The following FSD1L variants were observed in gnomAD, a reference collection of about 807,000 sequenced individuals.
The protein encoded by FSD1L is FSD1-like protein.
In FSD1L, 45 loss-of-function variants were observed where a neutral mutation model predicts 71.6. That is an observed-to-expected ratio of 0.63 (90% CI 0.49 to 0.81). FSD1L has a LOEUF of 0.81. FSD1L is among the 30% of genes least tolerant of loss of function. FSD1L has a pLI of 0.00. For missense variants in FSD1L, 561 were observed against 618.1 expected (o/e 0.91, Z 0.98); for synonymous variants, 197 against 207.2 (o/e 0.95, Z 0.42).
chr9:105,475,394 A>G (rs548513396), intron 5 of FSD1L, among the ~76,000 whole-genome samples: 7 of 152,324 alleles, frequency 4.6e-5, no homozygotes, highest in African/African-American at 1.2e-4. Flanking sequence ...CTCACTTGTA[A>G]TGAATGATTC....
rs549371733 is a variant in FSD1L, at chr9:105,471,766, A to G, written c.340-138A>G. 9 of 304,588 alleles carry G rather than the reference A, an allele frequency of 3.0e-5. No individual in the cohort carries two copies. The South Asian group carries it at 8.7e-4, about 30-fold the overall frequency. 18.9% of individuals were successfully genotyped at this position (304,588 alleles called of 1,614,324 possible). A position where few individuals can be genotyped will look rare whatever the true frequency, so the allele number is the denominator to read the frequency against. ...TATATAACTTGATTATCTTGCTACA[A>G]TAGCTCACTGAAATGTTTTTCCTCT... On this transcript the variant is annotated intron_variant, in intron 4 of 13. Transcript: ENST00000481272.
chr9:105,443,997 A>G (rs1274223061), upstream of FSD1L, among the ~76,000 whole-genome samples: 1 of 152,168 alleles, frequency 6.6e-6, no homozygotes, highest in Non-Finnish European at 1.5e-5. Flanking sequence ...GCTAAGACTC[A>G]GGCCAGATAT....
chr9:105,457,633 G>T (rs1830435966), intron 1 of FSD1L, among the ~76,000 whole-genome samples: 1 of 152,274 alleles, frequency 6.6e-6, no homozygotes, highest in Non-Finnish European at 1.5e-5. Flanking sequence ...GTAGCTGGCA[G>T]TGTCTCTCCT....
intron 2 of FSD1L, among the ~76,000 whole-genome samples, chr9:105,462,885 C>T (rs1275757639): frequency 6.6e-6 from 1 of 150,974 alleles, no homozygotes; most frequent in Non-Finnish European, 1.5e-5. Context: ...CACCTGCAGT[C>T]CCAGCACTTT....
intron 10 of FSD1L, chr9:105,523,297 A>G (rs1340862143): frequency 1.4e-5 from 23 of 1,593,900 alleles, no homozygotes; most frequent in Non-Finnish European, 3.4e-6. Context: ...CACATGGAAC[A>G]GAAGGATCTG....
intron 10 of FSD1L, among the ~76,000 whole-genome samples, chr9:105,528,777 A>G (rs1209944966): frequency 6.6e-6 from 1 of 152,244 alleles, no homozygotes; most frequent in Non-Finnish European, 1.5e-5. Flanking sequence ...CAGAATTGAC[A>G]AATGGAATCT....
intron 4 of FSD1L, among the ~76,000 whole-genome samples, 180 bp from the exon 5 acceptor site, chr9:105,471,724 T>TTATATATGTA (rs1831479515): frequency 1.4e-5 from 2 of 143,332 alleles, no homozygotes; most frequent in African/African-American, 5.0e-5. Context: ...ATAACACGTT[T>TTATATATGTA]TATATATATA....
chr9:105,491,404 A>G (rs1482399420), intron 7 of FSD1L, among the ~76,000 whole-genome samples: 1 of 152,100 alleles, frequency 6.6e-6, no homozygotes. Flanking sequence ...TTGGGCTGAG[A>G]CAATGGGGTT....
chr9:105,501,135 T>G (rs1026830548), intron 7 of FSD1L, among the ~76,000 whole-genome samples: 3 of 152,210 alleles, frequency 2.0e-5, no homozygotes, highest in African/African-American at 7.2e-5. Flanking sequence ...TTGAAGTAAC[T>G]TAGGCTTATT....
chr9:105,515,055 T>C (rs1036365998), intron 10 of FSD1L, among the ~76,000 whole-genome samples: 3 of 152,126 alleles, frequency 2.0e-5, no homozygotes, highest in African/African-American at 7.2e-5. Flanking sequence ...GGATTGCAGA[T>C]ACGGTATATG....
Position 105,550,734 on chromosome 9 carries a change from TATAA to T in FSD1L, c.*4259_*4262del, listed in dbSNP as rs1837229614. 1 of 152,130 alleles carries T rather than the reference TATAA, an allele frequency of 6.6e-6. No individual in the cohort carries two copies. The highest frequency in any genetic ancestry group is 2.1e-4 in the South Asian group (1 of 4,828). 9.4% of individuals were successfully genotyped at this position (152,130 alleles called of 1,614,324 possible). On this transcript the variant is annotated 3_prime_UTR_variant, in exon 14 of 14. Transcript: ENST00000481272. Reference sequence around the variant, plus strand: ...TGCCACATCAGAGTTAGCATTGACTTATAAATAAATACCAGAATTTACCAGAGTA... The same window carrying T: ...TGCCACATCAGAGTTAGCATTGACTTATAAATACCAGAATTTACCAGAGTA...
At chr9:105,495,441 C>G (rs1211625154) in intron 7 of FSD1L, among the ~76,000 whole-genome samples, 1 of 152,228 alleles carries the variant, frequency 6.6e-6, no homozygotes, top group Non-Finnish European at 1.5e-5. Context: ...CTCCCTGACC[C>G]CTTGCTCTTC....
At chr9:105,495,569 G>A (rs959149934) in intron 7 of FSD1L, among the ~76,000 whole-genome samples, 1 of 152,230 alleles carries the variant, frequency 6.6e-6, no homozygotes, top group African/African-American at 2.4e-5. Flanking sequence ...AGATGGAAAT[G>A]CAGAAATCAC....
intron 1 of FSD1L, among the ~76,000 whole-genome samples, chr9:105,461,312 T>A (rs1830679383): frequency 1.3e-5 from 2 of 151,566 alleles, no homozygotes. Flanking sequence ...TGAATTGAGA[T>A]ATGCATAAGT....
chr9:105,465,139 T>C (rs1357025956), intron 3 of FSD1L, among the ~76,000 whole-genome samples: 4 of 152,170 alleles, frequency 2.6e-5, no homozygotes, highest in Non-Finnish European at 5.9e-5. Context: ...TAGTGACATA[T>C]TGATTGTGGA....
intron 1 of FSD1L, among the ~76,000 whole-genome samples, chr9:105,456,377 G>T (rs750170194): frequency 6.6e-6 from 1 of 152,162 alleles, no homozygotes; most frequent in Non-Finnish European, 1.5e-5. Context: ...TTCTTGAAAG[G>T]ATTAAATGAA....
intron 12 of FSD1L, among the ~76,000 whole-genome samples, chr9:105,535,785 A>G (rs1339126566): frequency 6.6e-6 from 1 of 152,146 alleles, no homozygotes; most frequent in Non-Finnish European, 1.5e-5. Flanking sequence ...CCTACTATGT[A>G]CCTACAAAAA....
rs550658995 is a variant in FSD1L at position 105,498,778 on chromosome 9, T to C, written c.587-7621T>C. On this transcript the variant is annotated intron_variant, in intron 7 of 13. Transcript: ENST00000481272. ...AGATTTATTCTTTGACTATGTGTTGTTTAGAAGTGTGGTTTTTATATTTTT... is the reference window on the plus strand; with the variant it reads ...AGATTTATTCTTTGACTATGTGTTGCTTAGAAGTGTGGTTTTTATATTTTT... 3.9e-5 allele frequency among the ~76,000 whole-genome samples: 6 copies of C among 152,292 alleles called. No individual in the cohort carries two copies. The East Asian group carries it at 1.2e-3, about 29-fold the overall frequency.
At chr9:105,479,450 A>G in intron 6 of FSD1L, 74 bp downstream of exon 6, 3 of 1,312,000 alleles carry the variant, frequency 2.3e-6, no homozygotes, top group Middle Eastern at 1.8e-4. Context: ...TAGTTTTTTA[A>G]TTAAAATTGT....
Sources: gnomAD v4.1 joint callset for allele counts (sites outside exome capture counted in the v4.1 genomes callset) on GRCh38, gnomAD v4.1.1 for gene constraint, MANE v1.5 for transcripts, NCBI Gene and HGNC (gene_info 2026-07-23, HGNC 2026-07-21) for gene names.